The following GRAMD1B variants were observed in gnomAD, a reference collection of about 807,000 sequenced individuals.
GRAMD1B encodes the protein GRAM domain containing 1B.
In GRAMD1B, 37 loss-of-function variants were observed where a neutral mutation model predicts 99.7. The observed-to-expected ratio is 0.37, with a 90% CI of 0.29 to 0.49. GRAMD1B has a LOEUF of 0.49. GRAMD1B is among the 20% of genes least tolerant of loss of function. The pLI, the probability that GRAMD1B is intolerant of heterozygous loss-of-function variation, is 0.98. For missense variants in GRAMD1B, 888 were observed against 1,009.2 expected, an observed-to-expected ratio of 0.88 and a Z score of 1.63; for synonymous variants, 427 against 387.6, an observed-to-expected ratio of 1.10 and a Z score of -1.19.
intron 14 of GRAMD1B, among the ~76,000 whole-genome samples, chr11:123,611,176 C>G (rs1291362231): frequency 2.0e-5 from 3 of 150,882 alleles, no homozygotes; most frequent in Admixed American, 1.3e-4. Flanking sequence ...TGCTTCGTGC[C>G]TATATTCACA....
chr11:123,546,626 C>T (rs1230893323), intron 2 of GRAMD1B, among the ~76,000 whole-genome samples: 1 of 152,114 alleles, frequency 6.6e-6, no homozygotes, highest in Non-Finnish European at 1.5e-5. Context: ...TGGAAAAGGG[C>T]CATTGGTCGA....
chr11:123,583,414 GTA>G (rs1444375430), intron 3 of GRAMD1B, among the ~76,000 whole-genome samples: 2 of 151,458 alleles, frequency 1.3e-5, no homozygotes, highest in African/African-American at 2.4e-5. Context: ...GTGTGTCTGT[GTA>G]TATGTGTGTG....
intron 2 of GRAMD1B, among the ~76,000 whole-genome samples, chr11:123,482,890 CT>C (rs1951689686): frequency 6.6e-6 from 1 of 152,138 alleles, no homozygotes; most frequent in South Asian, 2.1e-4. Flanking sequence ...GAAGCCCCGT[CT>C]CTACTAAAAA....
At position 123,584,297 on chromosome 11, in the gene GRAMD1B, A is replaced by C; in HGVS notation, c.664-15A>C. 2 of 938,914 alleles carry C rather than the reference A, an allele frequency of 2.1e-6. No individual in the cohort carries two copies. The highest frequency in any genetic ancestry group is 2.7e-6 in the Non-Finnish European group (2 of 739,220). 58.2% of individuals were successfully genotyped at this position (938,914 alleles called of 1,614,324 possible). Reference sequence around the variant, plus strand: ...CCTGACTAATTCTACCTTCTCTTTCATTTTCTCTTTTCAGAAAAGCCAGAG... The same window carrying C: ...CCTGACTAATTCTACCTTCTCTTTCCTTTTCTCTTTTCAGAAAAGCCAGAG... On this transcript the variant is annotated splice_polypyrimidine_tract_variant and intron_variant, in intron 3 of 19. Transcript: ENST00000635736.
intron 2 of GRAMD1B, chr11:123,560,558 C>G (rs566000125): frequency 1.5e-5 from 14 of 906,286 alleles, no homozygotes; most frequent in Non-Finnish European, 2.2e-5. Context: ...TCAGGGCCCC[C>G]GCTCCCCGCC....
intron 2 of GRAMD1B, among the ~76,000 whole-genome samples, chr11:123,486,136 C>T (rs1018006224): frequency 6.6e-6 from 1 of 152,196 alleles, no homozygotes; most frequent in Non-Finnish European, 1.5e-5. Flanking sequence ...AGAAAACATT[C>T]GTAAAGAGCC....
intron 2 of GRAMD1B, chr11:123,491,877 G>T: frequency 2.5e-6 from 1 of 399,170 alleles, no homozygotes; most frequent in Non-Finnish European, 4.4e-6. Context: ...GCCAGAGACC[G>T]TCTCTTGCAG....
At chr11:123,583,471 T>C (rs1949693621) in intron 3 of GRAMD1B, among the ~76,000 whole-genome samples, 1 of 152,148 alleles carries the variant, frequency 6.6e-6, no homozygotes, top group Admixed American at 6.5e-5. Context: ...TGTGTGTGTA[T>C]ATGTGCACAC....
chr11:123,455,884 A>G (rs933190224), intron 1 of GRAMD1B, among the ~76,000 whole-genome samples: 3 of 152,148 alleles, frequency 2.0e-5, no homozygotes, highest in South Asian at 4.2e-4. Flanking sequence ...AAAACACTCA[A>G]CCAGGCCGGG....
intron 5 of GRAMD1B, among the ~76,000 whole-genome samples, chr11:123,594,516 A>G (rs1453196593): frequency 6.6e-6 from 1 of 152,138 alleles, no homozygotes; most frequent in Non-Finnish European, 1.5e-5. Flanking sequence ...ACATTTATTT[A>G]TCTGCCTCTA....
intron 2 of GRAMD1B, among the ~76,000 whole-genome samples, chr11:123,485,530 CTG>C (rs1420189644): frequency 1.3e-5 from 2 of 152,092 alleles, no homozygotes; most frequent in Admixed American, 6.5e-5. Context: ...GGTTGAAGGA[CTG>C]TGACATACAT....
Position 123,430,781 on chromosome 11 carries a change from G to A in GRAMD1B, c.-12G>A. ...CGGAGGGCTCAGGGGGAGCGCAGAG[G>A]CGACGGCCCCCATGCCGGCGGCCAA... On this transcript the variant is annotated 5_prime_UTR_variant, in exon 1 of 20. Transcript: ENST00000635736. 1 of 667,594 alleles carries A rather than the reference G, an allele frequency of 1.5e-6. No homozygotes were observed. The highest frequency in any genetic ancestry group is 2.7e-6 in the Non-Finnish European group (1 of 370,034). The allele number at this position is 667,594 out of a possible 1,614,324, so 41.4% of individuals were successfully genotyped here.
At chr11:123,359,609 C>T (rs1037974458) in intron 1 of GRAMD1B, among the ~76,000 whole-genome samples, 1 of 152,028 alleles carries the variant, frequency 6.6e-6, no homozygotes, top group Non-Finnish European at 1.5e-5. Flanking sequence ...CTTGCTGCCC[C>T]CAAGCTTTAG....
At chr11:123,481,579 C>T (rs558762840) in intron 2 of GRAMD1B, among the ~76,000 whole-genome samples, 5 of 152,212 alleles carry the variant, frequency 3.3e-5, no homozygotes, top group East Asian at 3.9e-4. Context: ...CTGCATAGCC[C>T]AGGATGTCAG....
rs10695354 is a variant in GRAMD1B, at chr11:123,495,114, T to TACACACACACAC, written c.452+14235_452+14246dup. Among the ~76,000 whole-genome samples, 222 of 148,644 alleles carry TACACACACACAC rather than the reference T, an allele frequency of 1.5e-3. 1 individual carries two copies. Among genetic ancestry groups the TACACACACACAC allele is most frequent in the African/African-American group, 4.1e-3 (163 of 40,150 alleles). On this transcript the variant is annotated intron_variant, in intron 2 of 19. Coordinates refer to ENST00000635736, the MANE Select transcript of GRAMD1B (RefSeq NM_001387025.1). ...AGCACATACCATATGTATATATACA[T>TACACACACACAC]ACACACACACACACACACACACACA...
intron 1 of GRAMD1B, among the ~76,000 whole-genome samples, chr11:123,418,324 C>A (rs959254721): frequency 1.1e-4 from 17 of 152,138 alleles, no homozygotes; most frequent in African/African-American, 4.1e-4. Context: ...ATCTGGAGAT[C>A]TTTGAAAGAG....
chr11:123,511,792 C>G (rs1034009772), intron 2 of GRAMD1B, among the ~76,000 whole-genome samples: 1 of 152,164 alleles, frequency 6.6e-6, no homozygotes, highest in Non-Finnish European at 1.5e-5. Context: ...CAGCCTGAAC[C>G]GGCAGGAATG....
intron 2 of GRAMD1B, among the ~76,000 whole-genome samples, chr11:123,483,282 A>G (rs925856496): frequency 2.0e-5 from 3 of 151,946 alleles, no homozygotes; most frequent in Middle Eastern, 3.2e-3. Context: ...CAAAGGGATG[A>G]TTCACGTTCC....
Position 123,599,764 on chromosome 11 carries a change from C to T in GRAMD1B, c.970-704C>T, listed in dbSNP as rs542184776. 7.9e-5 allele frequency among the ~76,000 whole-genome samples: 12 copies of T among 152,316 alleles called. 1 individual carries two copies. The highest frequency in any genetic ancestry group is 1.9e-4 in the East Asian group (1 of 5,176). ...TTGGGATTACAGGCGTAAGCCATGG[C>T]GCTCTGCCTGGTTTGACCTATATTT... On this transcript the variant is annotated intron_variant, in intron 7 of 19. Transcript: ENST00000635736.
Sources: allele counts gnomAD v4.1 joint callset (sites outside exome capture counted in the v4.1 genomes callset), GRCh38; gene constraint gnomAD v4.1.1; transcripts MANE v1.5; gene names NCBI Gene and HGNC (gene_info 2026-07-23, HGNC 2026-07-21).